RBFOX1: variants seen among roughly 807,000 people sequenced by gnomAD.
The protein encoded by RBFOX1 is RNA binding fox-1 homolog 1, also known as RNA binding protein fox-1 homolog 1.
Under a neutral mutation model 57.7 loss-of-function variants are expected in RBFOX1, and 8 were observed. The ratio of observed to expected loss-of-function variants is 0.14; its 90% CI spans 0.08 to 0.25. The LOEUF (loss-of-function observed/expected upper bound fraction) is 0.25, where lower values mean the gene tolerates loss of function less well. Ranked by LOEUF, RBFOX1 falls within the 10% of genes least tolerant of loss-of-function variation. RBFOX1 has a pLI of 1.00. For missense variants in RBFOX1, 611 were observed against 548.5 expected, an observed-to-expected ratio of 1.11 and a Z score of -1.14; for synonymous variants, 326 against 222.4, an observed-to-expected ratio of 1.47 and a Z score of -4.15.
intron 2 of RBFOX1, among the ~76,000 whole-genome samples, chr16:6,564,221 G>C (rs559408519): frequency 6.6e-6 from 1 of 152,248 alleles, no homozygotes; most frequent in East Asian, 1.9e-4. Context: ...TGAATGAATG[G>C]AGTGGTGCAG....
intron 2 of RBFOX1, among the ~76,000 whole-genome samples, chr16:5,529,931 A>G (rs1355937261): frequency 1.3e-5 from 2 of 152,158 alleles, no homozygotes. Context: ...GGCTGGAGTT[A>G]TGCTGCCACA....
intron 3 of RBFOX1, among the ~76,000 whole-genome samples, chr16:5,681,292 G>T (rs540889685): frequency 1.3e-5 from 2 of 148,852 alleles, no homozygotes; most frequent in East Asian, 4.0e-4. Flanking sequence ...CACCATGTTA[G>T]CCAGGATGGT....
chr16:6,282,079 G>GAA (rs946962858), intron 1 of RBFOX1, among the ~76,000 whole-genome samples: 27 of 152,132 alleles, frequency 1.8e-4, no homozygotes, highest in African/African-American at 6.3e-4. Flanking sequence ...TGTACCATGA[G>GAA]AAGTAAGAGT....
chr16:7,662,111 G>A (rs923231211), intron 12 of RBFOX1, among the ~76,000 whole-genome samples: 8 of 152,164 alleles, frequency 5.3e-5, no homozygotes, highest in Admixed American at 4.6e-4. Flanking sequence ...CCCATGCCAT[G>A]TGCCCCGTTG....
intron 3 of RBFOX1, among the ~76,000 whole-genome samples, chr16:5,625,945 C>G (rs528327301): frequency 6.8e-6 from 1 of 148,010 alleles, no homozygotes; most frequent in Non-Finnish European, 1.5e-5. Context: ...GGCACAATCT[C>G]AGCTCACTGC....
chr16:7,546,047 C>T (rs2084416725), intron 5 of RBFOX1, among the ~76,000 whole-genome samples: 1 of 151,010 alleles, frequency 6.6e-6, no homozygotes, highest in African/African-American at 2.4e-5. Flanking sequence ...GAAAATCAGG[C>T]CAGGCACAGT....
At chr16:6,886,532 C>T (rs952160025) in intron 3 of RBFOX1, among the ~76,000 whole-genome samples, 8 of 151,950 alleles carry the variant, frequency 5.3e-5, no homozygotes, top group African/African-American at 1.9e-4. Flanking sequence ...GCAGGTAGAT[C>T]ACCTGAGTTC....
At chr16:7,195,560 T>G (rs1167542290) in intron 4 of RBFOX1, among the ~76,000 whole-genome samples, 1 of 152,170 alleles carries the variant, frequency 6.6e-6, no homozygotes, top group Non-Finnish European at 1.5e-5. Flanking sequence ...TTTATTTATT[T>G]GTTTGTTTAT....
At chr16:7,649,749 A>G (rs2064554000) in intron 11 of RBFOX1, among the ~76,000 whole-genome samples, 1 of 152,148 alleles carries the variant, frequency 6.6e-6, no homozygotes, top group Non-Finnish European at 1.5e-5. Context: ...CTAACTGATG[A>G]GCAGAACGTG....
chr16:7,248,071 G>A (rs975571530), intron 4 of RBFOX1, among the ~76,000 whole-genome samples: 2 of 152,192 alleles, frequency 1.3e-5, no homozygotes, highest in African/African-American at 2.4e-5. Context: ...ATAGAATATG[G>A]TTCTGGAAGG....
intron 1 of RBFOX1, among the ~76,000 whole-genome samples, chr16:5,405,836 C>G (rs1443373860): frequency 6.6e-6 from 1 of 152,032 alleles, no homozygotes; most frequent in Non-Finnish European, 1.5e-5. Context: ...AGTTTTCTTC[C>G]TTTTCTATTT....
At chr16:6,223,099 A>C (rs1483561647) in intron 1 of RBFOX1, among the ~76,000 whole-genome samples, 3 of 147,754 alleles carry the variant, frequency 2.0e-5, no homozygotes, top group East Asian at 2.0e-4. Flanking sequence ...CCAGTCTATC[A>C]TTGTTGTACA....
intron 5 of RBFOX1, among the ~76,000 whole-genome samples, chr16:7,567,831 C>A (rs953798392): frequency 3.4e-5 from 5 of 147,520 alleles, no homozygotes; most frequent in African/African-American, 1.0e-4. Context: ...CTATATATAT[C>A]CCCATATATA....
rs144982018 is a variant in RBFOX1, at chr16:6,142,655, T to A, written c.-127+122663T>A. ...CAGAAACAGAGTGAGTACTGATTGGTTGAATGAATGAGTGAATGAAGGAAT... is the reference window on the plus strand; with the variant it reads ...CAGAAACAGAGTGAGTACTGATTGGATGAATGAATGAGTGAATGAAGGAAT... On this transcript the variant is annotated intron_variant, in intron 1 of 15. Transcript: ENST00000550418. Among the ~76,000 whole-genome samples, 274 of 152,312 alleles carry A rather than the reference T, an allele frequency of 1.8e-3. 1 individual carries two copies. The highest frequency in any genetic ancestry group is 6.4e-3 in the African/African-American group (265 of 41,582).
intron 3 of RBFOX1, among the ~76,000 whole-genome samples, chr16:6,792,151 A>G (rs962234773): frequency 4.6e-5 from 7 of 152,184 alleles, no homozygotes; most frequent in African/African-American, 9.7e-5. Flanking sequence ...CACATAAACT[A>G]TGCTTTTTCT....
At chr16:6,614,391 G>A (rs1394834196) in intron 2 of RBFOX1, among the ~76,000 whole-genome samples, 1 of 152,086 alleles carries the variant, frequency 6.6e-6, no homozygotes, top group African/African-American at 2.4e-5. Context: ...AAGAATATTG[G>A]TATCTGCCTA....
At chr16:6,179,198 G>C (rs1183994580) in intron 1 of RBFOX1, among the ~76,000 whole-genome samples, 1 of 152,168 alleles carries the variant, frequency 6.6e-6, no homozygotes, top group African/African-American at 2.4e-5. Flanking sequence ...CAGTGGAGAC[G>C]ACAGTGGGGC....
At chr16:5,849,459 C>G (rs1037398536) in intron 3 of RBFOX1, among the ~76,000 whole-genome samples, 9 of 152,098 alleles carry the variant, frequency 5.9e-5, no homozygotes, top group African/African-American at 1.7e-4. Context: ...AACTCATTCC[C>G]AGGCATCCAG....
At chr16:5,701,458 A>C (rs77838697) in intron 3 of RBFOX1, among the ~76,000 whole-genome samples, 2,342 of 143,300 alleles carry the variant, frequency 0.016, 64 homozygotes, top group African/African-American at 0.054. Context: ...ACCTTCCTCC[A>C]TGTACAAAGG....
Sources: gnomAD v4.1 joint callset for allele counts (sites outside exome capture counted in the v4.1 genomes callset) on GRCh38, gnomAD v4.1.1 for gene constraint, MANE v1.5 for transcripts, NCBI Gene and HGNC (gene_info 2026-07-23, HGNC 2026-07-21) for gene names.